Variants in UNC5C observed in about 807,000 individuals in gnomAD.
UNC5C encodes the protein unc-5 netrin receptor C.
Under a neutral mutation model 99.8 loss-of-function variants are expected in UNC5C, and 47 were observed. The observed-to-expected ratio is 0.47, with a 90% CI of 0.37 to 0.60. The LOEUF is 0.60. Ranked by LOEUF, UNC5C falls within the 20% of genes least tolerant of loss-of-function variation. UNC5C has a pLI of 0.00. For missense variants in UNC5C, 1,062 were observed against 1,165.9 expected, an observed-to-expected ratio of 0.91 and a Z score of 1.30; for synonymous variants, 487 against 452.2, an observed-to-expected ratio of 1.08 and a Z score of -0.98.
intron 1 of UNC5C, among the ~76,000 whole-genome samples, chr4:95,488,061 A>G (rs150314935): frequency 5.4e-4 from 82 of 151,888 alleles, no homozygotes; most frequent in African/African-American, 1.8e-3. Context: ...TTTGGTTAAC[A>G]CACTGGTCCA....
At chr4:95,191,095 G>C (rs1157504556) in intron 12 of UNC5C, among the ~76,000 whole-genome samples, 3 of 152,118 alleles carry the variant, frequency 2.0e-5, no homozygotes, top group African/African-American at 7.2e-5. Flanking sequence ...TTAGATGAGA[G>C]GATCTCCCCT....
intron 12 of UNC5C, among the ~76,000 whole-genome samples, chr4:95,193,464 C>T (rs1372196990): frequency 6.6e-6 from 1 of 152,156 alleles, no homozygotes; most frequent in Non-Finnish European, 1.5e-5. Flanking sequence ...AAGAACAGAC[C>T]AGCAAATGTG....
chr4:95,265,843 CA>C (rs892411529), intron 4 of UNC5C, among the ~76,000 whole-genome samples: 1 of 152,164 alleles, frequency 6.6e-6, no homozygotes, highest in Non-Finnish European at 1.5e-5. Context: ...TCATAATCTT[CA>C]CCTGTACAAA....
intron 1 of UNC5C, among the ~76,000 whole-genome samples, chr4:95,365,495 T>C (rs1744530995): frequency 6.6e-6 from 1 of 150,404 alleles, no homozygotes; most frequent in East Asian, 1.9e-4. Flanking sequence ...AATTAAAATA[T>C]ATCACTAAAA....
At chr4:95,448,714 A>C (rs866112374) in intron 1 of UNC5C, among the ~76,000 whole-genome samples, 1 of 152,214 alleles carries the variant, frequency 6.6e-6, no homozygotes, top group African/African-American at 2.4e-5. Context: ...GAATTTTGAC[A>C]TGAAAGTATA....
At chr4:95,289,127 T>A in intron 3 of UNC5C, among the ~76,000 whole-genome samples, 1 of 152,180 alleles carries the variant, frequency 6.6e-6, no homozygotes, top group East Asian at 1.9e-4. Context: ...TTTTAAAAGG[T>A]AATATAAATA....
At chr4:95,275,513 TA>T (rs1407162686) in intron 4 of UNC5C, among the ~76,000 whole-genome samples, 1 of 152,130 alleles carries the variant, frequency 6.6e-6, no homozygotes, top group Non-Finnish European at 1.5e-5. Context: ...TTGGCCAAAG[TA>T]AAAAATGGTG....
chr4:95,427,614 T>A (rs1423306223), intron 1 of UNC5C, among the ~76,000 whole-genome samples: 1 of 152,008 alleles, frequency 6.6e-6, no homozygotes, highest in Non-Finnish European at 1.5e-5. Flanking sequence ...AGCAATAAAG[T>A]TTTTTTAAAA....
intron 2 of UNC5C, among the ~76,000 whole-genome samples, chr4:95,333,216 AC>A (rs1322616048): frequency 6.6e-6 from 1 of 152,156 alleles, no homozygotes; most frequent in East Asian, 1.9e-4. Context: ...CCATCCCATT[AC>A]TGGGTATATA....
chr4:95,258,746 CTTTTTTTTTTTTTTTTT>C (rs775570031), intron 4 of UNC5C, among the ~76,000 whole-genome samples: 6 of 76,054 alleles, frequency 7.9e-5, no homozygotes, highest in African/African-American at 2.6e-4. Flanking sequence ...CCATCTTATT[CTTTTTTTTTTTTTTTTT>C]TTTTTTTTTG....
intron 1 of UNC5C, among the ~76,000 whole-genome samples, chr4:95,394,651 C>CTGTG (rs10527279): frequency 4.1e-4 from 60 of 147,726 alleles, no homozygotes; most frequent in East Asian, 7.9e-4. Flanking sequence ...AAGGTATTTG[C>CTGTG]TGTGTGTGTG....
chr4:95,318,800 C>T (rs1481826091), intron 2 of UNC5C, among the ~76,000 whole-genome samples: 1 of 152,206 alleles, frequency 6.6e-6, no homozygotes, highest in African/African-American at 2.4e-5. Flanking sequence ...TGCTATCCTT[C>T]TGCTTTAGCA....
At chr4:95,465,456 T>C (rs557764415) in intron 1 of UNC5C, among the ~76,000 whole-genome samples, 3 of 152,294 alleles carry the variant, frequency 2.0e-5, no homozygotes, top group East Asian at 1.9e-4. Context: ...ATTTGAATCA[T>C]TGTGTTATGC....
chr4:95,520,475 G>A (rs763916628), intron 1 of UNC5C, among the ~76,000 whole-genome samples: 5 of 151,920 alleles, frequency 3.3e-5, no homozygotes, highest in East Asian at 3.9e-4. Flanking sequence ...AAATACTTTC[G>A]CCTAAGGAGA....
intron 2 of UNC5C, among the ~76,000 whole-genome samples, chr4:95,318,510 G>A (rs1204642400): frequency 6.6e-6 from 1 of 152,176 alleles, no homozygotes; most frequent in East Asian, 1.9e-4. Context: ...AAATCTGATA[G>A]AGCAAAAAGG....
In UNC5C at chr4:95,339,383, C is replaced by A. The variant is rs549998599; in HGVS notation, c.125-3752G>T. 5.5e-4 allele frequency among the ~76,000 whole-genome samples: 83 copies of A among 152,084 alleles called. No individual in the cohort carries two copies. In the South Asian group the frequency reaches 8.3e-3, roughly 15 times the overall value. On this transcript the variant is annotated intron_variant, in intron 1 of 15. Transcript: ENST00000453304. ...GCTGAACCCATGGGGATAAGAAAAT[C>A]TGTGATTCCACCCTGAAGTGGTAGA... is the stretch of plus-strand genomic sequence containing the variant.
rs201608163 is a variant in UNC5C, at chr4:95,202,849, G to T, written c.2018C>A (p.Ser673Tyr). 1.2e-6 allele frequency: 2 copies of T among 1,614,236 alleles called. No homozygotes were observed. Among genetic ancestry groups the T allele is most frequent in the Non-Finnish European group, 1.7e-6 (2 of 1,180,048 alleles). ...NLSTYALVGH[S>Y]TTKAAAKRLK... Reference sequence around the variant, plus strand: ...GCGCTTCGCAGCCGCTTTGGTGGTGGAATGTCCTACCAGGGCGTAGGTGCT... The same window carrying T: ...GCGCTTCGCAGCCGCTTTGGTGGTGTAATGTCCTACCAGGGCGTAGGTGCT... The change falls in exon 12 of 16, where the codon TCC (serine) becomes TAC (tyrosine). Residue 673 changes from serine to tyrosine, a missense_variant. Ser to Tyr is a moderately radical substitution (Grantham distance 144). Coordinates refer to ENST00000453304, the MANE Select transcript of UNC5C (RefSeq NM_003728.4).
At chr4:95,252,702 C>T (rs1316826548) in intron 4 of UNC5C, among the ~76,000 whole-genome samples, 3 of 152,158 alleles carry the variant, frequency 2.0e-5, no homozygotes, top group Non-Finnish European at 2.9e-5. Flanking sequence ...CTTTTGAGCA[C>T]CAACGTGACA....
At chr4:95,258,486 C>T (rs539549936) in intron 4 of UNC5C, among the ~76,000 whole-genome samples, 82 of 152,206 alleles carry the variant, frequency 5.4e-4, no homozygotes, top group Non-Finnish European at 1.0e-3. Flanking sequence ...AAGACTTCAA[C>T]CATAAACCAT....
Sources: gnomAD v4.1 joint callset for allele counts (sites outside exome capture counted in the v4.1 genomes callset) on GRCh38, gnomAD v4.1.1 for gene constraint, MANE v1.5 for transcripts, NCBI Gene and HGNC (gene_info 2026-07-23, HGNC 2026-07-21) for gene names.